ACYP2: variants seen among roughly 807,000 people sequenced by gnomAD.
The protein encoded by ACYP2 is acylphosphatase 2.
Under a neutral mutation model 11.2 loss-of-function variants are expected in ACYP2, and 12 were observed. That is an observed-to-expected ratio of 1.08 (90% confidence interval 0.69 to 1.74). The LOEUF (loss-of-function observed/expected upper bound fraction) is 1.74. ACYP2 is among the 40% of genes most tolerant of loss of function. ACYP2 has a pLI of 0.00. For synonymous variants in ACYP2, 43 were observed against 32.2 expected (o/e 1.33, Z -1.13); for missense variants, 134 against 101.9 (o/e 1.31, Z -1.35).
chr2:54,160,430 T>C (rs1285291896), intron 6 of ACYP2, among the ~76,000 whole-genome samples: 1 of 151,938 alleles, frequency 6.6e-6, no homozygotes, highest in Non-Finnish European at 1.5e-5. Context: ...GGGGGAGAGG[T>C]ATTAAGACTA....
intron 6 of ACYP2, among the ~76,000 whole-genome samples, chr2:54,214,795 TG>T (rs1685490934): frequency 6.6e-6 from 1 of 152,176 alleles, no homozygotes; most frequent in Non-Finnish European, 1.5e-5. Flanking sequence ...AAAATGTCAT[TG>T]GTAGTTTGAT....
intron 5 of ACYP2, among the ~76,000 whole-genome samples, chr2:54,135,925 T>C (rs921440979): frequency 2.0e-5 from 3 of 152,074 alleles, no homozygotes; most frequent in African/African-American, 7.2e-5. Flanking sequence ...GGAGACGGAG[T>C]CTTATTCTGT....
intron 6 of ACYP2, among the ~76,000 whole-genome samples, chr2:54,166,260 G>A (rs903525336): frequency 6.6e-6 from 1 of 152,152 alleles, no homozygotes; most frequent in African/African-American, 2.4e-5. Flanking sequence ...TGTCCTCTGG[G>A]CAAGCATTTA....
intron 6 of ACYP2, among the ~76,000 whole-genome samples, chr2:54,270,901 A>G (rs1688268290): frequency 6.6e-6 from 1 of 152,206 alleles, no homozygotes; most frequent in African/African-American, 2.4e-5. Context: ...TATAATATAT[A>G]TCTAAATCTG....
In ACYP2 at chr2:54,150,478, T is replaced by C. The variant is rs1291009238; in HGVS notation, c.404+11730T>C. Among the ~76,000 whole-genome samples the C allele has an allele frequency of 2.6e-5, 4 of 152,184 alleles. No individual in the cohort carries two copies. The East Asian group carries it at 7.7e-4, about 29-fold the overall frequency. ...CCTTGTGGCCCAGGCTGGAGTGCAG[T>C]GCCCTGATACTCGGCTCATTGTAGT... On this transcript the variant is annotated intron_variant, in intron 6 of 6. Coordinates refer to ENST00000607452, the MANE Select transcript of ACYP2 (RefSeq NM_001320586.2).
intron 6 of ACYP2, among the ~76,000 whole-genome samples, chr2:54,226,564 A>G (rs1686019825): frequency 6.6e-6 from 1 of 152,260 alleles, no homozygotes; most frequent in South Asian, 2.1e-4. Context: ...ACAGCAGGGT[A>G]TTTCTTAGGC....
chr2:54,258,960 A>C (rs1380973209), intron 6 of ACYP2, among the ~76,000 whole-genome samples: 1 of 152,228 alleles, frequency 6.6e-6, no homozygotes, highest in South Asian at 2.1e-4. Context: ...GACTTGCATT[A>C]TAGCAACCCA....
chr2:54,015,093 G>T (rs1473663510), intron 2 of ACYP2, among the ~76,000 whole-genome samples: 4 of 152,214 alleles, frequency 2.6e-5, no homozygotes, highest in African/African-American at 7.2e-5. Flanking sequence ...CTTGCTGGGC[G>T]TGGTAGCTCA....
At chr2:54,069,489 T>C (rs6751682) in intron 4 of ACYP2, among the ~76,000 whole-genome samples, 147,391 of 152,030 alleles carry the variant, frequency 0.97, 71,462 homozygotes, top group East Asian at 1. Context: ...GGTGAAACCC[T>C]GTCTCTACTA....
chr2:54,201,684 C>T (rs11902367), intron 6 of ACYP2, among the ~76,000 whole-genome samples: 1,073 of 39,028 alleles, frequency 0.027, 20 homozygotes, highest in South Asian at 0.052. Context: ...CTTTCTTTCT[C>T]TCTCTCTCTC....
chr2:54,001,433 G>C (rs13429520), intron 2 of ACYP2, among the ~76,000 whole-genome samples: 3 of 151,886 alleles, frequency 2.0e-5, no homozygotes, highest in Admixed American at 2.0e-4. Context: ...TGCTCTTGTC[G>C]CCCAGGTTGA....
At chr2:54,044,120 C>T (rs996560879) in intron 2 of ACYP2, among the ~76,000 whole-genome samples, 2 of 152,174 alleles carry the variant, frequency 1.3e-5, no homozygotes, top group East Asian at 1.9e-4. Flanking sequence ...AACAGATGTA[C>T]ACACAGAGCC....
chr2:54,035,979 T>A (rs190591824), intron 2 of ACYP2, among the ~76,000 whole-genome samples: 24 of 152,314 alleles, frequency 1.6e-4, no homozygotes, highest in Admixed American at 7.8e-4. Context: ...TCTAAAGATA[T>A]CAGTCAAAAG....
chr2:54,273,717 C>T (rs1057097086), intron 6 of ACYP2, among the ~76,000 whole-genome samples: 9 of 152,170 alleles, frequency 5.9e-5, no homozygotes, highest in Non-Finnish European at 1.0e-4. Context: ...TCACCTGCCT[C>T]GACCTGCCAG....
chr2:54,089,079 C>T (rs369550035), intron 4 of ACYP2, among the ~76,000 whole-genome samples: 7 of 152,334 alleles, frequency 4.6e-5, no homozygotes, highest in African/African-American at 1.7e-4. Flanking sequence ...CTTGGGAAAA[C>T]TAGAGCTGCT....
chr2:54,280,111 T>C (rs1374672997), intron 6 of ACYP2, among the ~76,000 whole-genome samples: 2 of 152,130 alleles, frequency 1.3e-5, no homozygotes, highest in Admixed American at 6.5e-5. Context: ...ACAAATCTGT[T>C]TTTTTCATTG....
At chr2:54,184,315 A>C (rs555695019) in intron 6 of ACYP2, among the ~76,000 whole-genome samples, 1 of 152,178 alleles carries the variant, frequency 6.6e-6, no homozygotes, top group Non-Finnish European at 1.5e-5. Context: ...GCCAGTTCTA[A>C]GCGCCACATT....
intron 4 of ACYP2, among the ~76,000 whole-genome samples, chr2:54,092,377 A>T (rs1678282529): frequency 6.6e-6 from 1 of 152,194 alleles, no homozygotes; most frequent in South Asian, 2.1e-4. Context: ...CACTCCGCTG[A>T]TCCGTAGGAG....
chr2:54,251,607 A>G (rs190699720), intron 6 of ACYP2, among the ~76,000 whole-genome samples: 33 of 152,064 alleles, frequency 2.2e-4, no homozygotes, highest in Non-Finnish European at 4.0e-4. Context: ...ATTGGGAGAC[A>G]ATTCTCCCAT....
Sources: gnomAD v4.1 joint callset for allele counts (sites outside exome capture counted in the v4.1 genomes callset) on GRCh38, gnomAD v4.1.1 for gene constraint, MANE v1.5 for transcripts, NCBI Gene and HGNC (gene_info 2026-07-23, HGNC 2026-07-21) for gene names.